The following ACACB variants were observed in gnomAD, a reference collection of about 807,000 sequenced individuals.
ACACB encodes the protein acetyl-CoA carboxylase 2.
A neutral mutation model predicts 278.8 loss-of-function variants in ACACB; 209 were observed. The observed-to-expected ratio is 0.75, with a 90% CI of 0.67 to 0.84. The LOEUF (loss-of-function observed/expected upper bound fraction) is 0.84, where lower values mean the gene tolerates loss of function less well. ACACB is among the 40% of genes least tolerant of loss of function. The probability of loss-of-function intolerance (pLI) is 0.00; values close to 1 mark genes in which losing one functional copy is unlikely to be tolerated. For synonymous variants in ACACB, 1,174 were observed against 1,285.6 expected (o/e 0.91, Z 1.86); for missense variants, 2,850 against 3,269.0 (o/e 0.87, Z 3.13).
chr12:109,257,261 G>A (rs113284863), intron 45 of ACACB, among the ~76,000 whole-genome samples: 12,702 of 151,596 alleles, frequency 0.084, 781 homozygotes, highest in African/African-American at 0.16. Context: ...GTGACAGAGC[G>A]AGACTCCATC....
At position 109,242,508 on chromosome 12, in the gene ACACB, C is replaced by A. The variant is rs1227593758; in HGVS notation, c.5094C>A (p.Thr1698=). 3.1e-6 allele frequency: 5 copies of A among 1,614,008 alleles called. No individual in the cohort carries two copies. The Admixed American group carries it at 8.3e-5, about 27-fold the overall frequency. The change falls in exon 37 of 53, where the codon ACC becomes ACA. Residue 1698 remains threonine, a synonymous_variant. Coordinates refer to ENST00000338432, the MANE Select transcript of ACACB (RefSeq NM_001093.4). ...TGCTGATCAATACTCCCTACGTCAC[C>A]AAGGATCTGCTCCAGGCCAAGCGAT... ...HGMLINTPYV[T]KDLLQAKRFQ...
intron 2 of ACACB, among the ~76,000 whole-genome samples, chr12:109,164,325 T>G (rs957448439): frequency 6.6e-6 from 1 of 152,098 alleles, no homozygotes; most frequent in African/African-American, 2.4e-5. Flanking sequence ...CTCCATTCTC[T>G]GGGTTCAAGC....
chr12:109,261,955 C>A (rs1268268953), intron 48 of ACACB, among the ~76,000 whole-genome samples: 5 of 151,462 alleles, frequency 3.3e-5, no homozygotes, highest in East Asian at 1.9e-4. Context: ...CTACACTGGG[C>A]TCTCAAGGTG....
intron 21 of ACACB, among the ~76,000 whole-genome samples, chr12:109,210,240 TGTATATATA>T (rs2045738359): frequency 1.8e-5 from 1 of 57,026 alleles, no homozygotes; most frequent in African/African-American, 7.6e-5. Context: ...TATGTATATA[TGTATATATA>T]CACACATGTG....
chr12:109,210,890 A>G (rs1329869822), intron 21 of ACACB, among the ~76,000 whole-genome samples: 2 of 152,016 alleles, frequency 1.3e-5, no homozygotes, highest in African/African-American at 4.8e-5. Context: ...CTCCAGAAAA[A>G]AAAAAAAGAA....
chr12:109,239,020 G>A (rs554535216), intron 34 of ACACB, among the ~76,000 whole-genome samples: 92 of 152,052 alleles, frequency 6.1e-4, no homozygotes, highest in African/African-American at 2.1e-3. Flanking sequence ...GGGTTCAAGC[G>A]ATTCTCCTGC....
intron 16 of ACACB, among the ~76,000 whole-genome samples, chr12:109,195,228 A>T (rs2045076313): frequency 6.6e-6 from 1 of 152,192 alleles, no homozygotes; most frequent in Non-Finnish European, 1.5e-5. Context: ...CCTGCCCAGT[A>T]CTTCCCAGCC....
intron 1 of ACACB, among the ~76,000 whole-genome samples, 165 bp downstream of exon 1, chr12:109,116,869 C>T (rs1008410895): frequency 2.6e-5 from 4 of 151,992 alleles, no homozygotes; most frequent in Admixed American, 1.3e-4. Context: ...CAGAAGAGCT[C>T]GAAATGTAAC....
At chr12:109,208,088 C>A (rs985510754) in intron 20 of ACACB, among the ~76,000 whole-genome samples, 1 of 152,168 alleles carries the variant, frequency 6.6e-6, no homozygotes, top group African/African-American at 2.4e-5. Context: ...GACACAGAGA[C>A]TAAGAGACTT....
intron 1 of ACACB, among the ~76,000 whole-genome samples, chr12:109,131,053 A>C (rs965101965): frequency 6.6e-6 from 1 of 152,208 alleles, no homozygotes; most frequent in Non-Finnish European, 1.5e-5. Flanking sequence ...GGGCAATTGC[A>C]TGAGCAGTGA....
intron 52 of ACACB, 119 bp downstream of exon 52, chr12:109,265,644 TGTCCCCGCCCC>T (rs1341144453): frequency 1.5e-6 from 2 of 1,291,092 alleles, no homozygotes; most frequent in African/African-American, 1.5e-5. Context: ...AGTCTGGGGT[TGTCCCCGCCCC>T]CTCCCCGCTC....
intron 1 of ACACB, among the ~76,000 whole-genome samples, chr12:109,134,504 T>C (rs902766115): frequency 1.3e-5 from 2 of 152,196 alleles, no homozygotes. Flanking sequence ...CTCTGGCTGT[T>C]GTTAATTTCA....
At position 109,210,225 on chromosome 12, in the gene ACACB, G is replaced by C. The variant is rs1388062667; in HGVS notation, c.3249+872G>C. The stretch of plus-strand genomic sequence containing the variant: ...TATATATGTATATATACACACATGT[G>C]TGTATATGTATATATGTATATATAC... On this transcript the variant is annotated intron_variant, in intron 21 of 52. Transcript: ENST00000338432. 8.3e-4 allele frequency among the ~76,000 whole-genome samples: 21 copies of C among 25,294 alleles called. 6 individuals carry two copies. Among genetic ancestry groups the C allele is most frequent in the African/African-American group, 5.3e-3 (15 of 2,830 alleles). 16.6% of individuals were successfully genotyped at this position (25,294 alleles called of 152,430 possible). A position where few individuals can be genotyped will look rare whatever the true frequency, so the allele number is the denominator to read the frequency against.
At chr12:109,114,578 C>A (rs905531042), upstream of ACACB, among the ~76,000 whole-genome samples, 3 of 151,972 alleles carry the variant, frequency 2.0e-5, no homozygotes, top group African/African-American at 7.3e-5. Context: ...GGTACAGTGG[C>A]TCATACCTGT....
rs143715871 is a variant in ACACB, at chr12:109,216,601, C to A, written c.3351-17C>A. The A allele has an allele frequency of 1.5e-3, 2,403 of 1,613,054 alleles. 9 individuals are homozygous for A. The highest frequency in any genetic ancestry group is 1.5e-3 in the Non-Finnish European group (1,762 of 1,179,036). On this transcript the variant is annotated splice_polypyrimidine_tract_variant and intron_variant, in intron 22 of 52. Coordinates refer to ENST00000338432, the MANE Select transcript of ACACB (RefSeq NM_001093.4). ...GGAAGGGTGTGAGCATTAAGAGCAG[C>A]CTTCCCTTCTCCCCAGATACCGCAG...
rs1311921970 is a variant in ACACB, at chr12:109,182,363, G to T, written c.1818+2276G>T. Among the ~76,000 whole-genome samples, 4 of 151,968 alleles carry T rather than the reference G, an allele frequency of 2.6e-5. No homozygotes were observed. The South Asian group carries it at 6.2e-4, about 24-fold the overall frequency. On this transcript the variant is annotated intron_variant, in intron 11 of 52. Transcript: ENST00000338432. ...CATGAGACTTTTTTCCTACTCAGTT[G>T]TTTTAGCTTCTTTTTTGTTTTTGAG...
chr12:109,262,477 G>A lies in ACACB; in HGVS notation c.6787+8G>A, dbSNP rs781623935. The A allele has an allele frequency of 7.5e-6, 12 of 1,602,686 alleles. No individual in the cohort carries two copies. Among genetic ancestry groups the A allele is most frequent in the Non-Finnish European group, 1.0e-5 (12 of 1,170,924 alleles). On this transcript the variant is annotated splice_region_variant and intron_variant, in intron 49 of 52. Coordinates refer to ENST00000338432, the MANE Select transcript of ACACB (RefSeq NM_001093.4). ...AGCTCATGGAACAGCTAGGTAAGGG[G>A]GTCCCAAAGGCTTCACCTCTCAGAG...
rs775506034 is a variant in ACACB at position 109,237,169 on chromosome 12, C to T, written c.4451C>T (p.Ala1484Val). The change falls in exon 34 of 53, where the codon GCA becomes GTA. Residue 1484 changes from alanine (A) to valine (V), a missense_variant. Coordinates refer to ENST00000338432, the MANE Select transcript of ACACB (RefSeq NM_001093.4). ...FFTFRARDEFAEDRIYRHLEP... is the reference protein window; with the variant it reads ...FFTFRARDEFVEDRIYRHLEP... ...CTCTCTCTGGTCCGCCTACAGTTTG[C>T]AGAAGATCGCATTTACCGTCACTTG... The T allele has an allele frequency of 2.2e-5, 35 of 1,614,156 alleles. No homozygotes were observed. Among genetic ancestry groups the T allele is most frequent in the Non-Finnish European group, 3.0e-5 (35 of 1,180,032 alleles).
intron 1 of ACACB, among the ~76,000 whole-genome samples, chr12:109,135,248 T>C (rs1051455832): frequency 6.6e-6 from 1 of 152,216 alleles, no homozygotes; most frequent in Non-Finnish European, 1.5e-5. Context: ...ACTGTGATTA[T>C]ATGATTTGCA....
Sources: gnomAD v4.1 joint callset for allele counts (sites outside exome capture counted in the v4.1 genomes callset) on GRCh38, gnomAD v4.1.1 for gene constraint, MANE v1.5 for transcripts, NCBI Gene and HGNC (gene_info 2026-07-23, HGNC 2026-07-21) for gene names.